Variants in POU2F1 observed in about 807,000 individuals in gnomAD.
POU2F1 encodes the protein POU class 2 homeobox 1, also known as POU domain, class 2, transcription factor 1.
Under a neutral mutation model 84.9 loss-of-function variants are expected in POU2F1, and 16 were observed. That is an observed-to-expected ratio of 0.19 (90% CI 0.13 to 0.29). POU2F1 has a LOEUF of 0.29. POU2F1 is among the 10% of genes least tolerant of loss of function. The pLI, the probability that POU2F1 is intolerant of heterozygous loss-of-function variation, is 1.00. For synonymous variants in POU2F1, 368 were observed against 368.3 expected (o/e 1.00, Z 0.01); for missense variants, 738 against 942.6 (o/e 0.78, Z 2.84).
At chr1:167,372,510 G>A (rs1355946839) in intron 5 of POU2F1, among the ~76,000 whole-genome samples, 2 of 152,140 alleles carry the variant, frequency 1.3e-5, no homozygotes, top group Admixed American at 6.5e-5. Context: ...GCAACTTACC[G>A]TATGGCCTAA....
At chr1:167,399,110 C>T in intron 11 of POU2F1, 76 bp from the exon 12 acceptor site, 2 of 1,403,982 alleles carry the variant, frequency 1.4e-6, no homozygotes, top group Non-Finnish European at 1.9e-6. Context: ...ATTTTCTAAC[C>T]TGACGTGATT....
intron 1 of POU2F1, among the ~76,000 whole-genome samples, chr1:167,221,584 G>A (rs1479909686): frequency 6.7e-6 from 1 of 150,270 alleles, no homozygotes; most frequent in Non-Finnish European, 1.5e-5. Context: ...GCCTTGGGGG[G>A]CGGCCCTCAG....
intron 1 of POU2F1, among the ~76,000 whole-genome samples, chr1:167,323,751 C>CA (rs1212519957): frequency 2.6e-5 from 4 of 152,144 alleles, no homozygotes; most frequent in Non-Finnish European, 4.4e-5. Context: ...GGAGTGCAGT[C>CA]ACGCGATCTC....
At chr1:167,257,079 G>A (rs1008401807) in intron 1 of POU2F1, among the ~76,000 whole-genome samples, 2 of 152,124 alleles carry the variant, frequency 1.3e-5, no homozygotes, top group African/African-American at 2.4e-5. Context: ...CGATAAGATT[G>A]TTATTAAGTT....
Position 167,423,864 on chromosome 1 carries a change from C to T in POU2F1, c.*8054C>T, listed in dbSNP as rs74412420. On this transcript the variant is annotated 3_prime_UTR_variant, in exon 16 of 16. Coordinates refer to ENST00000367866, the MANE Select transcript of POU2F1 (RefSeq NM_002697.4). ...GTTCTCAAACATTATATCCCAAAGT[C>T]TGCAGGCAGACAGCTGGATACAGCG... 4.7e-3 allele frequency: 718 copies of T among 152,352 alleles called. 5 individuals carry two copies. Among genetic ancestry groups the T allele is most frequent in the African/African-American group, 0.016 (677 of 41,572 alleles). The allele number at this position is 152,352 out of a possible 1,614,324, so 9.4% of individuals were successfully genotyped here.
chr1:167,346,604 A>G (rs1364634215), intron 2 of POU2F1, among the ~76,000 whole-genome samples: 7 of 152,112 alleles, frequency 4.6e-5, no homozygotes, highest in African/African-American at 1.4e-4. Flanking sequence ...CACCACCTAG[A>G]TCCCTCGCAT....
chr1:167,402,415 G>A (rs1213229439), intron 13 of POU2F1, among the ~76,000 whole-genome samples: 2 of 151,988 alleles, frequency 1.3e-5, no homozygotes, highest in Admixed American at 1.3e-4. Context: ...TGAATAAATG[G>A]CTTTATATTA....
chr1:167,339,998 C>A (rs1657726392), intron 2 of POU2F1, among the ~76,000 whole-genome samples: 2 of 152,142 alleles, frequency 1.3e-5, no homozygotes, highest in South Asian at 4.1e-4. Flanking sequence ...AAATAAGGGT[C>A]TCTTTTTATA....
chr1:167,266,467 A>G (rs1037996472), intron 1 of POU2F1, among the ~76,000 whole-genome samples: 2 of 152,190 alleles, frequency 1.3e-5, no homozygotes, highest in Admixed American at 1.3e-4. Flanking sequence ...CATAATCTCA[A>G]TTTGAAGAGG....
At chr1:167,229,883 C>T (rs999516918) in intron 1 of POU2F1, among the ~76,000 whole-genome samples, 1 of 152,180 alleles carries the variant, frequency 6.6e-6, no homozygotes, top group African/African-American at 2.4e-5. Context: ...GCAAATACAA[C>T]TTACCTTGAT....
intron 1 of POU2F1, among the ~76,000 whole-genome samples, chr1:167,271,552 A>G (rs1049962382): frequency 4.6e-5 from 7 of 152,200 alleles, no homozygotes; most frequent in Non-Finnish European, 7.3e-5. Flanking sequence ...TAGGATGTGT[A>G]AAAAGTTGAG....
In POU2F1 at chr1:167,421,401, T is replaced by TTTG. The variant is rs1334142360; in HGVS notation, c.*5592_*5594dup. The TTTG allele has an allele frequency of 1.3e-5, 2 of 152,224 alleles. No individual in the cohort carries two copies. Among genetic ancestry groups the TTTG allele is most frequent in the African/African-American group, 2.4e-5 (1 of 41,466 alleles). The allele number at this position is 152,224 out of a possible 1,614,324, so 9.4% of individuals were successfully genotyped here. On this transcript the variant is annotated 3_prime_UTR_variant, in exon 16 of 16. Coordinates refer to ENST00000367866, the MANE Select transcript of POU2F1 (RefSeq NM_002697.4). ...CACCCCTGAGATTTCCAGTAAGGTATTTGAAAGGATTCCACTGGGAGGGCA... is the reference window on the plus strand; with the variant it reads ...CACCCCTGAGATTTCCAGTAAGGTATTTGTTGAAAGGATTCCACTGGGAGGGCA...
Position 167,273,836 on chromosome 1 carries a change from A to T in POU2F1, c.61+52878A>T, listed in dbSNP as rs542116818. Among the ~76,000 whole-genome samples the T allele has an allele frequency of 1.1e-4, 16 of 152,374 alleles. No homozygotes were observed. In the East Asian group the frequency reaches 1.7e-3, roughly 17 times the overall value. On this transcript the variant is annotated intron_variant, in intron 1 of 15. Transcript: ENST00000367866. ...ATCAGCTTCATATTGCTTAAGATAG[A>T]AAAATAAGGGATTTCAAAATGTAAG... is the stretch of plus-strand genomic sequence containing the variant.
At chr1:167,368,129 T>G (rs538638266) in intron 3 of POU2F1, among the ~76,000 whole-genome samples, 5 of 152,324 alleles carry the variant, frequency 3.3e-5, no homozygotes, top group Admixed American at 6.5e-5. Context: ...GTCCATACTT[T>G]GCGTTTAGCT....
chr1:167,276,198 A>G (rs1307876576), intron 1 of POU2F1, among the ~76,000 whole-genome samples: 2 of 152,182 alleles, frequency 1.3e-5, no homozygotes, highest in African/African-American at 2.4e-5. Flanking sequence ...TCTGCCGAGG[A>G]CGTGAATCTT....
intron 1 of POU2F1, among the ~76,000 whole-genome samples, chr1:167,269,568 C>A (rs2102462867): frequency 6.6e-6 from 1 of 152,240 alleles, no homozygotes; most frequent in Admixed American, 6.5e-5. Flanking sequence ...AATAGTATTT[C>A]TTTTTTAGTA....
intron 1 of POU2F1, among the ~76,000 whole-genome samples, chr1:167,274,290 G>A (rs1317141212): frequency 6.6e-6 from 1 of 152,066 alleles, no homozygotes; most frequent in Non-Finnish European, 1.5e-5. Flanking sequence ...GTTGCTTTAG[G>A]TAAAGTTTAA....
rs568702639 is a variant in POU2F1 at position 167,415,253 on chromosome 1, G to A, written c.1991-247G>A. The stretch of plus-strand genomic sequence containing the variant: ...ACTCTAATTCATTAGACAGTTATTA[G>A]CTGTCTTCTACCCCTGCTTGTGCCC... On this transcript the variant is annotated intron_variant, in intron 15 of 15. Transcript: ENST00000367866. 9.2e-5 allele frequency among the ~76,000 whole-genome samples: 14 copies of A among 152,328 alleles called. No individual in the cohort carries two copies. The South Asian group carries it at 2.9e-3, about 32-fold the overall frequency.
At chr1:167,380,615 G>A (rs2101871744) in intron 7 of POU2F1, 1 of 152,292 alleles carries the variant, frequency 6.6e-6, no homozygotes, top group Admixed American at 6.5e-5. Flanking sequence ...GTAATTAATA[G>A]CATCAGAGAA....
Sources: allele counts gnomAD v4.1 joint callset (sites outside exome capture counted in the v4.1 genomes callset), GRCh38; gene constraint gnomAD v4.1.1; transcripts MANE v1.5; gene names NCBI Gene and HGNC (gene_info 2026-07-23, HGNC 2026-07-21).